Variants in DNAH7 observed in about 807,000 individuals in gnomAD.
DNAH7 encodes the protein axonemal beta dynein heavy chain 7.
Under a neutral mutation model 444.6 loss-of-function variants are expected in DNAH7, and 397 were observed. The observed-to-expected ratio is 0.89, with a 90% CI of 0.82 to 0.97. The LOEUF (loss-of-function observed/expected upper bound fraction) is 0.97, where lower values mean the gene tolerates loss of function less well. DNAH7 is among the 50% of genes least tolerant of loss of function. The pLI, the probability that DNAH7 is intolerant of heterozygous loss-of-function variation, is 0.00. For missense variants in DNAH7, 4,902 were observed against 4,800.8 expected (o/e 1.02, Z -0.62); for synonymous variants, 1,636 against 1,624.4 (o/e 1.01, Z -0.17).
intron 21 of DNAH7, among the ~76,000 whole-genome samples, chr2:195,928,558 T>G (rs1279633917): frequency 1.3e-5 from 2 of 152,178 alleles, no homozygotes; most frequent in Non-Finnish European, 2.9e-5. Flanking sequence ...AAACTCATCT[T>G]CTTTGGCCCA....
chr2:195,807,132 T>G (rs1315448667), intron 53 of DNAH7, among the ~76,000 whole-genome samples: 3 of 152,108 alleles, frequency 2.0e-5, no homozygotes, highest in African/African-American at 7.2e-5. Flanking sequence ...TATTTTCCCT[T>G]TATTCCTCCA....
chr2:195,974,755 TAC>T (rs58054572), intron 15 of DNAH7, among the ~76,000 whole-genome samples: 11,880 of 143,516 alleles, frequency 0.083, 505 homozygotes, highest in Middle Eastern at 0.13. Flanking sequence ...ATGTATATTT[TAC>T]ACACACACAC....
intron 61 of DNAH7, among the ~76,000 whole-genome samples, chr2:195,771,303 A>ATAC (rs1173641290): frequency 1.3e-5 from 2 of 152,058 alleles, no homozygotes; most frequent in African/African-American, 4.8e-5. Context: ...TCACATGACT[A>ATAC]TACTCCAGTC....
chr2:195,888,226 T>C, intron 33 of DNAH7, 32 bp downstream of exon 33: 1 of 1,550,902 alleles, frequency 6.4e-7, no homozygotes, highest in Non-Finnish European at 8.7e-7. Flanking sequence ...TTTCCATTTA[T>C]TTTTTAATCT....
chr2:195,824,501 A>T lies in DNAH7; in HGVS notation c.9101-56T>A, dbSNP rs1411674808. ...ATTTTAAATATTGACTATAAATATT[A>T]TAAATATTCAACCCTCCAAGTTCTT... On this transcript the variant is annotated intron_variant, in intron 48 of 64. Transcript: ENST00000312428. 7.2e-6 allele frequency: 10 copies of T among 1,389,834 alleles called. No homozygotes were observed. In the East Asian group the frequency reaches 2.3e-4, roughly 32 times the overall value. The allele number at this position is 1,389,834 out of a possible 1,614,324, so 86.1% of individuals were successfully genotyped here.
At chr2:195,960,133 T>C in intron 18 of DNAH7, 127 bp downstream of exon 18, 1 of 791,224 alleles carries the variant, frequency 1.3e-6, no homozygotes, top group South Asian at 2.2e-5. Flanking sequence ...GCAAAATCAA[T>C]TCTCAAAAGA....
At chr2:195,821,371 G>T (rs1253001358) in intron 49 of DNAH7, among the ~76,000 whole-genome samples, 2 of 152,148 alleles carry the variant, frequency 1.3e-5, no homozygotes, top group Admixed American at 1.3e-4. Flanking sequence ...CTTTTCATCT[G>T]TTGTTTCCTG....
chr2:195,762,617 T>C (rs1053998766), intron 61 of DNAH7, among the ~76,000 whole-genome samples: 2 of 151,804 alleles, frequency 1.3e-5, no homozygotes, highest in Non-Finnish European at 2.9e-5. Context: ...AAACAAAAAC[T>C]ACAAAAAGAG....
At chr2:195,777,488 T>C (rs907539333) in intron 59 of DNAH7, among the ~76,000 whole-genome samples, 5 of 152,216 alleles carry the variant, frequency 3.3e-5, no homozygotes, top group African/African-American at 1.2e-4. Flanking sequence ...GCTAATACCA[T>C]CTCTTATGTA....
intron 15 of DNAH7, among the ~76,000 whole-genome samples, chr2:195,982,989 G>A (rs2125616658): frequency 6.6e-6 from 1 of 152,146 alleles, no homozygotes; most frequent in Admixed American, 6.5e-5. Flanking sequence ...TAATTGGATT[G>A]TCTGAAACAC....
intron 40 of DNAH7, 99 bp from the exon 41 acceptor site, chr2:195,865,120 A>G: frequency 8.2e-7 from 1 of 1,221,080 alleles, no homozygotes; most frequent in Non-Finnish European, 1.1e-6. Flanking sequence ...AATATTAGAA[A>G]ATTTCTGCAG....
intron 33 of DNAH7, among the ~76,000 whole-genome samples, chr2:195,887,445 C>T (rs1375222710): frequency 1.3e-5 from 2 of 152,130 alleles, no homozygotes; most frequent in Admixed American, 1.3e-4. Flanking sequence ...TTTCCTCTCT[C>T]TTGTCTAAGT....
chr2:195,957,528 G>C (rs1391203290), intron 18 of DNAH7, 81 bp from the exon 19 acceptor site: 6 of 1,061,366 alleles, frequency 5.7e-6, no homozygotes, highest in Non-Finnish European at 7.8e-6. Flanking sequence ...CCACAACTAG[G>C]TTGTCAATGT....
chr2:195,748,403 G>A (rs113732805), intron 63 of DNAH7, among the ~76,000 whole-genome samples: 18,079 of 152,114 alleles, frequency 0.12, 1,404 homozygotes, highest in Middle Eastern at 0.25. Context: ...GAAAATGGCT[G>A]TACTGCCCAA....
intron 20 of DNAH7, among the ~76,000 whole-genome samples, chr2:195,935,154 TC>T (rs1688964093): frequency 1.3e-5 from 2 of 152,226 alleles, no homozygotes; most frequent in Non-Finnish European, 2.9e-5. Flanking sequence ...TGAAGAATCT[TC>T]AAATGCACAA....
chr2:195,821,798 G>C (rs1697485438), intron 49 of DNAH7, among the ~76,000 whole-genome samples: 1 of 152,158 alleles, frequency 6.6e-6, no homozygotes. Context: ...CCCAGCTCCT[G>C]CTACTGGGTG....
intron 8 of DNAH7, among the ~76,000 whole-genome samples, chr2:196,020,374 C>T (rs938142385): frequency 1.3e-5 from 2 of 152,062 alleles, no homozygotes; most frequent in African/African-American, 4.8e-5. Context: ...TAATAATCAT[C>T]TTTTATATAT....
chr2:196,000,243 T>G (rs1693951928), intron 12 of DNAH7, among the ~76,000 whole-genome samples: 1 of 152,152 alleles, frequency 6.6e-6, no homozygotes, highest in Non-Finnish European at 1.5e-5. Context: ...TTTCATATAC[T>G]AGATTCCAAT....
intron 5 of DNAH7, among the ~76,000 whole-genome samples, chr2:196,042,975 T>C (rs1696862364): frequency 6.6e-6 from 1 of 151,988 alleles, no homozygotes; most frequent in Admixed American, 6.6e-5. Context: ...AATAAATATA[T>C]GATTGCAGTT....
Sources: gnomAD v4.1 joint callset for allele counts (sites outside exome capture counted in the v4.1 genomes callset) on GRCh38, gnomAD v4.1.1 for gene constraint, MANE v1.5 for transcripts, NCBI Gene and HGNC (gene_info 2026-07-23, HGNC 2026-07-21) for gene names.